ZNF804A: variants seen among roughly 807,000 people sequenced by gnomAD.
The protein encoded by ZNF804A is zinc finger protein 804A.
In ZNF804A, 2 loss-of-function variants were observed where a neutral mutation model predicts 16.5. The observed-to-expected ratio is 0.12, with a 90% CI of 0.05 to 0.38. ZNF804A has a LOEUF of 0.38. Among genes scored for constraint, ZNF804A ranks in the 10% least tolerant of loss-of-function variants. The pLI is 0.99. For synonymous variants in ZNF804A, 534 were observed against 489.6 expected, an observed-to-expected ratio of 1.09 and a Z score of -1.20; for missense variants, 1,473 against 1,390.7, an observed-to-expected ratio of 1.06 and a Z score of -0.94.
chr2:184,641,326 A>G (rs2105693788), intron 1 of ZNF804A, among the ~76,000 whole-genome samples: 1 of 152,278 alleles, frequency 6.6e-6, no homozygotes, highest in East Asian at 1.9e-4. Flanking sequence ...ATGGATCCCA[A>G]AACATTATGC....
At chr2:184,624,945 ATTAC>A (rs1691473423) in intron 1 of ZNF804A, among the ~76,000 whole-genome samples, 2 of 152,262 alleles carry the variant, frequency 1.3e-5, no homozygotes, top group South Asian at 4.1e-4. Context: ...CCAGTATTAT[ATTAC>A]TTACAGCAGT....
rs769523473 is a variant in ZNF804A at position 184,936,549 on chromosome 2, G to T, written c.1153G>T (p.Ala385Ser). ...AGAGGAAAATGTTAAGCATAACGAG[G>T]CATCCACAACTGAGGTTGAAAATAA... ...TTEENVKHNE[A>S]STTEVENKNG... Residue 385 changes from alanine to serine, a missense_variant, in exon 4 of 4, where the codon GCA (alanine) becomes TCA (serine). Physicochemically the swap from Ala to Ser is moderately conservative, Grantham distance 99 (BLOSUM62 1). Coordinates refer to ENST00000302277, the MANE Select transcript of ZNF804A (RefSeq NM_194250.2). 8.4e-5 allele frequency: 136 copies of T among 1,613,862 alleles called. 2 individuals are homozygous for T. The South Asian group carries it at 1.4e-3, about 17-fold the overall frequency.
chr2:184,685,188 C>T (rs1224452152), intron 1 of ZNF804A, among the ~76,000 whole-genome samples: 1 of 152,020 alleles, frequency 6.6e-6, no homozygotes, highest in African/African-American at 2.4e-5. Context: ...GTGCTGGCTT[C>T]GTGTGAGGTT....
At chr2:184,685,329 T>G (rs766684782) in intron 1 of ZNF804A, among the ~76,000 whole-genome samples, 1 of 152,086 alleles carries the variant, frequency 6.6e-6, no homozygotes, top group East Asian at 1.9e-4. Flanking sequence ...GTCACAGCCG[T>G]GGCTCAGAGA....
At chr2:184,884,166 G>A (rs1399760140) in intron 2 of ZNF804A, among the ~76,000 whole-genome samples, 1 of 151,980 alleles carries the variant, frequency 6.6e-6, no homozygotes, top group East Asian at 1.9e-4. Context: ...CAGCATACAA[G>A]CTGAGAGCCA....
chr2:184,795,824 G>C (rs996489124), intron 1 of ZNF804A, among the ~76,000 whole-genome samples: 1 of 152,184 alleles, frequency 6.6e-6, no homozygotes, highest in Non-Finnish European at 1.5e-5. Flanking sequence ...AAACCTAGAA[G>C]AGATGGATAA....
At chr2:184,811,309 A>G (rs1433320295) in intron 1 of ZNF804A, among the ~76,000 whole-genome samples, 2 of 152,212 alleles carry the variant, frequency 1.3e-5, no homozygotes, top group African/African-American at 4.8e-5. Flanking sequence ...AGCCTTGCAT[A>G]GTAATTTACT....
intron 1 of ZNF804A, among the ~76,000 whole-genome samples, chr2:184,715,505 C>T (rs1290855371): frequency 6.6e-6 from 1 of 152,040 alleles, no homozygotes; most frequent in Non-Finnish European, 1.5e-5. Context: ...CTCATCTCAG[C>T]CTCCCACATA....
chr2:184,695,564 G>T (rs1409892306), intron 1 of ZNF804A, among the ~76,000 whole-genome samples: 1 of 150,814 alleles, frequency 6.6e-6, no homozygotes, highest in Non-Finnish European at 1.5e-5. Context: ...GAGTGCATCG[G>T]CATGATCATG....
At chr2:184,822,469 G>A (rs762616493) in intron 1 of ZNF804A, among the ~76,000 whole-genome samples, 4 of 152,020 alleles carry the variant, frequency 2.6e-5, no homozygotes, top group Admixed American at 1.3e-4. Flanking sequence ...GGATTGATTC[G>A]TGCAGCAAAC....
At chr2:184,705,893 A>G (rs1693022464) in intron 1 of ZNF804A, among the ~76,000 whole-genome samples, 1 of 152,028 alleles carries the variant, frequency 6.6e-6, no homozygotes, top group African/African-American at 2.4e-5. Context: ...CATTACCTCT[A>G]CCTCTGCTAC....
chr2:184,934,005 A>C (rs1000014329), intron 3 of ZNF804A, among the ~76,000 whole-genome samples: 7 of 152,100 alleles, frequency 4.6e-5, no homozygotes, highest in Non-Finnish European at 7.4e-5. Flanking sequence ...TCTTAGTTGA[A>C]AGCTACCCCA....
intron 2 of ZNF804A, among the ~76,000 whole-genome samples, chr2:184,886,824 C>T (rs770524998): frequency 3.3e-5 from 5 of 152,218 alleles, no homozygotes; most frequent in African/African-American, 7.2e-5. Flanking sequence ...TGGGGCCTGG[C>T]CCACAAAACC....
chr2:184,630,047 G>T (rs1559112420), intron 1 of ZNF804A, among the ~76,000 whole-genome samples: 1 of 151,912 alleles, frequency 6.6e-6, no homozygotes, highest in African/African-American at 2.4e-5. Context: ...TGTCCTCCAG[G>T]GCTCTATTTA....
In ZNF804A at chr2:184,598,943, G is replaced by C. The variant is rs1031795093; in HGVS notation, c.-17G>C. On this transcript the variant is annotated 5_prime_UTR_variant, in exon 1 of 4. Transcript: ENST00000302277. ...CGTGGAAGCGGCGGCTGCGGCGGAGGAGGCGGCGGCTGCCCCATGGAGTGT... is the reference window on the plus strand; with the variant it reads ...CGTGGAAGCGGCGGCTGCGGCGGAGCAGGCGGCGGCTGCCCCATGGAGTGT... 3.3e-6 allele frequency: 5 copies of C among 1,516,472 alleles called. No individual in the cohort carries two copies. The highest frequency in any genetic ancestry group is 4.5e-6 in the Non-Finnish European group (5 of 1,120,752). 93.9% of individuals were successfully genotyped at this position (1,516,472 alleles called of 1,614,324 possible).
chr2:184,780,544 TG>T (rs960091864), intron 1 of ZNF804A, among the ~76,000 whole-genome samples: 2 of 151,570 alleles, frequency 1.3e-5, no homozygotes, highest in African/African-American at 4.8e-5. Flanking sequence ...TAATCACAGA[TG>T]GAGGGAGGTA....
rs1236676644 is a variant in ZNF804A at position 184,936,729 on chromosome 2, G to T, written c.1333G>T (p.Val445Phe). 1.9e-6 allele frequency: 3 copies of T among 1,613,750 alleles called. No homozygotes were observed. Among genetic ancestry groups the T allele is most frequent in the African/African-American group, 2.7e-5 (2 of 74,988 alleles). ...TVLQWPSEML[V>F]YTTTKPSISY... ...TCTTCAGTGGCCATCAGAAATGCTG[G>T]TTTATACAACTACGAAACCATCAAT... Residue 445 changes from valine (V) to phenylalanine (F), a missense_variant, in exon 4 of 4, where the codon GTT becomes TTT. Val to Phe is a conservative substitution (Grantham distance 50, BLOSUM62 -1). Coordinates refer to ENST00000302277, the MANE Select transcript of ZNF804A (RefSeq NM_194250.2).
At chr2:184,661,406 T>C (rs929505710) in intron 1 of ZNF804A, among the ~76,000 whole-genome samples, 2 of 152,162 alleles carry the variant, frequency 1.3e-5, no homozygotes, top group African/African-American at 4.8e-5. Flanking sequence ...TCTTGTACTG[T>C]GACCAAAAGG....
intron 2 of ZNF804A, among the ~76,000 whole-genome samples, chr2:184,920,209 G>T (rs2105836357): frequency 6.6e-6 from 1 of 152,230 alleles, no homozygotes; most frequent in South Asian, 2.1e-4. Flanking sequence ...TATAAATCAG[G>T]CCTGAGTTTT....
Sources: gnomAD v4.1 joint callset for allele counts (sites outside exome capture counted in the v4.1 genomes callset) on GRCh38, gnomAD v4.1.1 for gene constraint, MANE v1.5 for transcripts, NCBI Gene and HGNC (gene_info 2026-07-23, HGNC 2026-07-21) for gene names.